Variants in NKTR observed in about 807,000 individuals in gnomAD.
The protein encoded by NKTR is natural killer cell triggering receptor, also known as NK-tumor recognition protein.
In NKTR, 67 loss-of-function variants were observed where a neutral mutation model predicts 156.3. That is an observed-to-expected ratio of 0.43 (90% confidence interval 0.35 to 0.53). The LOEUF (loss-of-function observed/expected upper bound fraction) is 0.53, where lower values mean the gene tolerates loss of function less well. Among genes scored for constraint, NKTR ranks in the 20% least tolerant of loss-of-function variants. The pLI is 0.01. For missense variants in NKTR, 1,604 were observed against 1,730.9 expected, an observed-to-expected ratio of 0.93 and a Z score of 1.30; for synonymous variants, 640 against 596.6, an observed-to-expected ratio of 1.07 and a Z score of -1.06.
At chr3:42,623,001 A>G (rs1184832573) in intron 6 of NKTR, among the ~76,000 whole-genome samples, 1 of 152,068 alleles carries the variant, frequency 6.6e-6, no homozygotes, top group African/African-American at 2.4e-5. Context: ...TACATACATT[A>G]GCTTGTTCAT....
At chr3:42,645,391 G>T (rs1376030077) in intron 16 of NKTR, among the ~76,000 whole-genome samples, 2 of 152,084 alleles carry the variant, frequency 1.3e-5, no homozygotes, top group Non-Finnish European at 2.9e-5. Context: ...GCTTCAAAAA[G>T]TCCATAGTGT....
At chr3:42,604,659 CTTTTTTTTTTTTTTTTTTTTTTTTTTTT>C (rs71072726) in intron 2 of NKTR, among the ~76,000 whole-genome samples, 14 of 45,282 alleles carry the variant, frequency 3.1e-4, no homozygotes, top group South Asian at 1.6e-3. Flanking sequence ...TATTTCTCTC[CTTTTTTTTTTTTTTTTTTTTTTTTTTTT>C]TTTTTTTTTT....
chr3:42,619,979 C>G (rs1321310212), intron 5 of NKTR: 2 of 1,531,122 alleles, frequency 1.3e-6, no homozygotes, highest in South Asian at 2.4e-5. Context: ...CTCCTATCTT[C>G]CTGCCTAAAA....
chr3:42,618,993 A>ATT, intron 3 of NKTR, 27 bp from the exon 4 acceptor site: 1 of 1,405,826 alleles, frequency 7.1e-7, no homozygotes, highest in South Asian at 1.3e-5. Flanking sequence ...ATTAAACTTC[A>ATT]TTTCTTTTTT....
At chr3:42,644,287 G>A (rs893933888) in intron 16 of NKTR, among the ~76,000 whole-genome samples, 10 of 152,066 alleles carry the variant, frequency 6.6e-5, no homozygotes, top group Admixed American at 3.3e-4. Flanking sequence ...AAAGAAAGAA[G>A]GCCACCCAAA....
At chr3:42,625,181 A>G (rs1708259389) in intron 6 of NKTR, among the ~76,000 whole-genome samples, 1 of 152,146 alleles carries the variant, frequency 6.6e-6, no homozygotes, top group African/African-American at 2.4e-5. Context: ...GTCTTAAAGA[A>G]GTATTGGGCT....
chr3:42,632,419 G>A (rs186503354), intron 8 of NKTR, 182 bp from the exon 9 acceptor site: 170 of 528,296 alleles, frequency 3.2e-4, no homozygotes, highest in African/African-American at 2.8e-3. Flanking sequence ...ATAAAGACAA[G>A]GGACTTACTA....
chr3:42,637,941 C>A lies in NKTR; in HGVS notation c.2237C>A (p.Ser746Tyr). 6.2e-7 allele frequency: 1 copy of A among 1,613,756 alleles called. No individual in the cohort carries two copies. Among genetic ancestry groups the A allele is most frequent in the Non-Finnish European group, 8.5e-7 (1 of 1,179,756 alleles). ...TGTAGTAGATCATCTTCATATACTT[C>A]TATTAGCAGTGATGATGGAAGGCGA... is the stretch of plus-strand genomic sequence containing the variant. ...SQCSRSSSYT[S>Y]ISSDDGRRAK... Residue 746 changes from serine (S) to tyrosine (Y), a missense_variant, in exon 13 of 17, where the codon TCT (serine) becomes TAT (tyrosine). By Grantham distance (144) the Ser-to-Tyr change is moderately radical. Transcript: ENST00000232978.
chr3:42,629,752 T>G, intron 6 of NKTR: 1 of 985,378 alleles, frequency 1.0e-6, no homozygotes, highest in Non-Finnish European at 1.2e-6. Context: ...GTGAAAATGC[T>G]ATGGGAAAAC....
At chr3:42,630,264 GT>G in intron 6 of NKTR, 1 of 1,178,820 alleles carries the variant, frequency 8.5e-7, no homozygotes, top group African/African-American at 1.6e-5. Context: ...TTCATGCTGT[GT>G]ATTTATGGCT....
At chr3:42,633,458 CTTT>C in intron 9 of NKTR, 119 bp from the exon 10 acceptor site, 2 of 1,438,098 alleles carry the variant, frequency 1.4e-6, no homozygotes. Context: ...TCATATAACT[CTTT>C]TGAGTGAGAC....
At chr3:42,635,486 A>AAT in intron 12 of NKTR, 120 bp downstream of exon 12, 4 of 749,032 alleles carry the variant, frequency 5.3e-6, no homozygotes, top group Non-Finnish European at 8.3e-6. Context: ...TCAGACTGTG[A>AAT]CCAAAGGAAA....
intron 6 of NKTR, among the ~76,000 whole-genome samples, chr3:42,624,109 A>T (rs1361965321): frequency 6.6e-6 from 1 of 152,116 alleles, no homozygotes; most frequent in Non-Finnish European, 1.5e-5. Flanking sequence ...TATTCAACAT[A>T]ATTTTGCATA....
intron 8 of NKTR, among the ~76,000 whole-genome samples, chr3:42,631,554 G>GT (rs1264059171): frequency 6.6e-6 from 1 of 152,134 alleles, no homozygotes; most frequent in East Asian, 1.9e-4. Flanking sequence ...CCGTAGCGTC[G>GT]TAACTGTTTA....
rs963904244 is a variant in NKTR, at chr3:42,648,541, G to A, written c.*2566G>A. The stretch of plus-strand genomic sequence containing the variant: ...ATAAAATTGAATTATGTTGTGTATT[G>A]TGCTTCTTAATAGGAAATGCATTAT... On this transcript the variant is annotated 3_prime_UTR_variant, in exon 17 of 17. Transcript: ENST00000232978. The A allele has an allele frequency of 2.0e-5, 3 of 152,598 alleles. No homozygotes were observed. Among genetic ancestry groups the A allele is most frequent in the Non-Finnish European group, 4.4e-5 (3 of 68,022 alleles). 9.5% of individuals were successfully genotyped at this position (152,598 alleles called of 1,614,324 possible). A position where few individuals can be genotyped will look rare whatever the true frequency, so the allele number is the denominator to read the frequency against.
In NKTR at chr3:42,638,110, A is replaced by G; in HGVS notation, c.2406A>G (p.Arg802=). 1.2e-6 allele frequency: 2 copies of G among 1,614,038 alleles called. No homozygotes were observed. The highest frequency in any genetic ancestry group is 1.7e-6 in the Non-Finnish European group (2 of 1,179,998). Residue 802 remains arginine (R), a synonymous_variant, in exon 13 of 17, where the codon AGA becomes AGG. Transcript: ENST00000232978. Reference sequence around the variant, plus strand: ...GTGTGAGAAAGTATAGCGAGAGCAGATCATCTTTAGATTATTCTTCAGACA... The same window carrying G: ...GTGTGAGAAAGTATAGCGAGAGCAGGTCATCTTTAGATTATTCTTCAGACA... ...SSCVRKYSES[R]SSLDYSSDSE... is the part of the protein sequence containing the mutation.
intron 13 of NKTR, 84 bp from the exon 14 acceptor site, chr3:42,642,417 C>A: frequency 1.0e-6 from 1 of 994,138 alleles, no homozygotes; most frequent in Non-Finnish European, 1.6e-6. Flanking sequence ...GTTGTGTTTT[C>A]CCCTTTCTGC....
chr3:42,627,312 A>G (rs1295389782), intron 6 of NKTR: 11 of 864,154 alleles, frequency 1.3e-5, no homozygotes, highest in Non-Finnish European at 2.8e-6. Context: ...ACATTTTAAG[A>G]AAAAAAAAAA....
At position 42,617,617 on chromosome 3, in the gene NKTR, TG is replaced by T; in HGVS notation, c.107del (p.Cys36SerfsTer37). ...QLFSDICPKT[C>X]KNFLCLCSGE... is the part of the protein sequence containing the mutation. ...CTTCTCAGACATATGTCCAAAAACA[TG>T]CAAAAACTTCCTTTGCTTGTGCTCA... On this transcript the variant is annotated frameshift_variant, in exon 3 of 17. Transcript: ENST00000232978. LOFTEE classifies it high-confidence loss of function. 6.2e-7 allele frequency: 1 copy of T among 1,601,490 alleles called. No individual in the cohort carries two copies. The highest frequency in any genetic ancestry group is 8.6e-7 in the Non-Finnish European group (1 of 1,168,790).
Sources: allele counts gnomAD v4.1 joint callset (sites outside exome capture counted in the v4.1 genomes callset), GRCh38; gene constraint gnomAD v4.1.1; transcripts MANE v1.5; gene names NCBI Gene and HGNC (gene_info 2026-07-23, HGNC 2026-07-21).